TMTC2: variants seen among roughly 807,000 people sequenced by gnomAD.
The protein encoded by TMTC2 is transmembrane O-mannosyltransferase targeting cadherins 2, also known as protein O-mannosyl-transferase TMTC2.
A neutral mutation model predicts 82.4 loss-of-function variants in TMTC2; 43 were observed. The observed-to-expected ratio is 0.52, with a 90% confidence interval of 0.41 to 0.67. The LOEUF (loss-of-function observed/expected upper bound fraction) is 0.67, where lower values mean the gene tolerates loss of function less well. Among genes scored for constraint, TMTC2 ranks in the 30% least tolerant of loss-of-function variants. The pLI is 0.00. For missense variants in TMTC2, 919 were observed against 1,012.4 expected (o/e 0.91, Z 1.25); for synonymous variants, 408 against 381.9 (o/e 1.07, Z -0.80).
At chr12:83,047,296 T>C (rs1212145587) in intron 9 of TMTC2, among the ~76,000 whole-genome samples, 1 of 152,202 alleles carries the variant, frequency 6.6e-6, no homozygotes, top group African/African-American at 2.4e-5. Flanking sequence ...CCCAATAACA[T>C]ATCACTTTAG....
intron 1 of TMTC2, among the ~76,000 whole-genome samples, chr12:82,799,877 A>G (rs758229594): frequency 1.9e-4 from 29 of 152,136 alleles, no homozygotes; most frequent in Non-Finnish European, 3.8e-4. Flanking sequence ...GTTTCATGGC[A>G]AAGCTTTCAC....
chr12:82,758,688 C>A (rs1876463587), intron 1 of TMTC2: 1 of 152,126 alleles, frequency 6.6e-6, no homozygotes, highest in African/African-American at 2.4e-5. Context: ...ACTGTGGAAT[C>A]ATTTTCCTTT....
At chr12:83,120,837 T>G (rs1884925056) in intron 11 of TMTC2, among the ~76,000 whole-genome samples, 2 of 152,216 alleles carry the variant, frequency 1.3e-5, no homozygotes, top group Non-Finnish European at 2.9e-5. Context: ...TCTTGGAGGC[T>G]TTGTTCATAT....
intron 2 of TMTC2, among the ~76,000 whole-genome samples, chr12:82,871,681 C>CTGTGTGTGTGTGTGTGTGTGTGTGTG (rs10662218): frequency 2.1e-5 from 3 of 142,104 alleles, no homozygotes; most frequent in African/African-American, 7.8e-5. Flanking sequence ...CTCTGCTCAT[C>CTGTGTGTGTGTGTGTGTGTGTGTGTG]TGTGTGTGTG....
chr12:82,721,070 C>T (rs1005835727), intron 1 of TMTC2, among the ~76,000 whole-genome samples: 4 of 152,218 alleles, frequency 2.6e-5, no homozygotes, highest in Non-Finnish European at 5.9e-5. Flanking sequence ...GGTTCTGATA[C>T]ACATTTAAAT....
chr12:83,074,505 G>T (rs2137493521), intron 11 of TMTC2, among the ~76,000 whole-genome samples: 1 of 152,236 alleles, frequency 6.6e-6, no homozygotes. Flanking sequence ...CTCCTTGGGT[G>T]GGTCTTGCTG....
intron 2 of TMTC2, 53 bp from the exon 3 acceptor site, chr12:82,895,765 C>G (rs753737900): frequency 6.1e-5 from 89 of 1,461,848 alleles, no homozygotes; most frequent in Non-Finnish European, 8.0e-5. Flanking sequence ...TTAAGTGTTC[C>G]CATGCTGTAC....
intron 7 of TMTC2, among the ~76,000 whole-genome samples, chr12:82,971,393 C>A (rs1004226769): frequency 4.6e-5 from 7 of 152,184 alleles, no homozygotes; most frequent in African/African-American, 1.7e-4. Flanking sequence ...ATTGAATATA[C>A]TGGATACTTA....
intron 1 of TMTC2, 75 bp from the exon 2 acceptor site, chr12:82,856,935 G>A (rs1354470760): frequency 2.2e-6 from 3 of 1,384,152 alleles, no homozygotes; most frequent in Non-Finnish European, 3.0e-6. Flanking sequence ...GAGAAAGGCA[G>A]TATCTTATCA....
At chr12:82,845,081 T>G (rs898847332) in intron 1 of TMTC2, among the ~76,000 whole-genome samples, 3 of 149,812 alleles carry the variant, frequency 2.0e-5, no homozygotes, top group African/African-American at 7.4e-5. Flanking sequence ...TACAACAAAT[T>G]AGCTGGGCGT....
chr12:82,975,013 G>GGGAA (rs575278967), intron 7 of TMTC2, among the ~76,000 whole-genome samples: 28 of 152,202 alleles, frequency 1.8e-4, no homozygotes, highest in African/African-American at 6.0e-4. Flanking sequence ...GATTCACTTA[G>GGGAA]GGAAGAGTAT....
At chr12:82,799,417 C>T (rs1878885907) in intron 1 of TMTC2, among the ~76,000 whole-genome samples, 1 of 152,138 alleles carries the variant, frequency 6.6e-6, no homozygotes. Flanking sequence ...GATGCCCTTT[C>T]TCTCACTACT....
chr12:83,009,073 T>C (rs1348185993), intron 8 of TMTC2, among the ~76,000 whole-genome samples: 3 of 152,198 alleles, frequency 2.0e-5, no homozygotes, highest in African/African-American at 7.2e-5. Flanking sequence ...GTTATTCTAC[T>C]TGTGTAACTC....
chr12:82,804,944 A>T (rs1214608750), intron 1 of TMTC2, among the ~76,000 whole-genome samples: 1 of 152,164 alleles, frequency 6.6e-6, no homozygotes, highest in East Asian at 1.9e-4. Context: ...TAATTTCCTC[A>T]GCAAGGCCAT....
At chr12:82,829,480 A>G (rs1212930400) in intron 1 of TMTC2, among the ~76,000 whole-genome samples, 2 of 152,080 alleles carry the variant, frequency 1.3e-5, no homozygotes, top group Non-Finnish European at 2.9e-5. Context: ...GAGAATTTAC[A>G]CCATCCAAAT....
chr12:83,104,561 G>A (rs1884334742), intron 11 of TMTC2, among the ~76,000 whole-genome samples: 1 of 152,194 alleles, frequency 6.6e-6, no homozygotes, highest in Non-Finnish European at 1.5e-5. Flanking sequence ...GGGCCCCTTT[G>A]AGTAACAGCT....
At chr12:82,926,381 A>G (rs913470307) in intron 3 of TMTC2, among the ~76,000 whole-genome samples, 14 of 152,208 alleles carry the variant, frequency 9.2e-5, no homozygotes, top group Admixed American at 2.6e-4. Context: ...CTTCAATTCT[A>G]TGAAGGCTGA....
chr12:83,047,845 T>A (rs540158414), intron 9 of TMTC2, among the ~76,000 whole-genome samples: 1 of 152,386 alleles, frequency 6.6e-6, no homozygotes, highest in African/African-American at 2.4e-5. Context: ...AATTTGATTT[T>A]ACAAAATTAA....
intron 1 of TMTC2, among the ~76,000 whole-genome samples, chr12:82,840,291 G>T (rs754364199): frequency 1.3e-5 from 2 of 152,166 alleles, no homozygotes; most frequent in Non-Finnish European, 1.5e-5. Context: ...ATCAAAATTT[G>T]GCAAACTCTA....
Sources: allele counts gnomAD v4.1 joint callset (sites outside exome capture counted in the v4.1 genomes callset), GRCh38; gene constraint gnomAD v4.1.1; transcripts MANE v1.5; gene names NCBI Gene and HGNC (gene_info 2026-07-23, HGNC 2026-07-21).